The following CNDP1 variants were observed in gnomAD, a reference collection of about 807,000 sequenced individuals.
CNDP1 encodes the protein beta-Ala-His dipeptidase.
CNDP1 carries 44 observed loss-of-function variants against 58.1 expected under a neutral mutation model. The observed-to-expected ratio is 0.76, with a 90% confidence interval of 0.60 to 0.97. CNDP1 has a LOEUF of 0.97. CNDP1 is among the 50% of genes least tolerant of loss of function. The pLI is 0.00. For missense variants in CNDP1, 616 were observed against 655.1 expected (o/e 0.94, Z 0.65); for synonymous variants, 254 against 252.6 (o/e 1.01, Z -0.05).
At chr18:74,549,737 G>A (rs922688696) in intron 1 of CNDP1, among the ~76,000 whole-genome samples, 2 of 152,168 alleles carry the variant, frequency 1.3e-5, no homozygotes, top group African/African-American at 4.8e-5. Context: ...AGAGACCTTT[G>A]AGGAAGCCCC....
At chr18:74,550,039 GGTGGA>G (rs749187685) in intron 1 of CNDP1, among the ~76,000 whole-genome samples, 4 of 152,232 alleles carry the variant, frequency 2.6e-5, no homozygotes, top group Non-Finnish European at 4.4e-5. Context: ...GAGGTGGAGG[GGTGGA>G]GCCCTCACAG....
intron 5 of CNDP1, among the ~76,000 whole-genome samples, chr18:74,563,671 T>TCCTC (rs1026347249): frequency 6.6e-6 from 1 of 152,100 alleles, no homozygotes; most frequent in African/African-American, 2.4e-5. Context: ...GTTCCTTTCT[T>TCCTC]CCTCCCTCCC....
intron 2 of CNDP1, among the ~76,000 whole-genome samples, chr18:74,558,194 C>G (rs1349948476): frequency 6.6e-6 from 1 of 152,180 alleles, no homozygotes; most frequent in Non-Finnish European, 1.5e-5. Context: ...ATCAGTAAAT[C>G]TGTGTAGTTT....
chr18:74,561,227 C>A (rs1416960884), intron 4 of CNDP1, among the ~76,000 whole-genome samples: 1 of 151,996 alleles, frequency 6.6e-6, no homozygotes, highest in African/African-American at 2.4e-5. Context: ...CCAGCCTGGC[C>A]AACATGGCAA....
Position 74,559,439 on chromosome 18 carries a change from C to T in CNDP1, c.270C>T (p.Ala90=). 6.2e-7 allele frequency: 1 copy of T among 1,611,754 alleles called. No homozygotes were observed. The highest frequency in any genetic ancestry group is 8.5e-7 in the Non-Finnish European group (1 of 1,179,970). Reference sequence around the variant, plus strand: ...CGGACACGCTGCAGCGCCTGGGGGCCCGTGTGGCCTCGGTGGACATGGGTC... The same window carrying T: ...CGGACACGCTGCAGCGCCTGGGGGCTCGTGTGGCCTCGGTGGACATGGGTC... ...VAADTLQRLG[A]RVASVDMGPQ... The change falls in exon 3 of 12, where the codon GCC becomes GCT. Residue 90 remains alanine (A), a synonymous_variant. Coordinates refer to ENST00000358821, the MANE Select transcript of CNDP1 (RefSeq NM_032649.6).
chr18:74,566,574 A>C (rs768808336), intron 5 of CNDP1, among the ~76,000 whole-genome samples: 2 of 152,362 alleles, frequency 1.3e-5, no homozygotes, highest in Admixed American at 1.3e-4. Context: ...TCTCTTTGCT[A>C]AAACAAAACA....
chr18:74,581,767 G>A (rs1981796557), intron 10 of CNDP1, among the ~76,000 whole-genome samples: 1 of 152,172 alleles, frequency 6.6e-6, no homozygotes, highest in Non-Finnish European at 1.5e-5. Flanking sequence ...ACCAGGAGGG[G>A]GACCCTGCCA....
At chr18:74,573,866 G>C (rs1981561537) in intron 7 of CNDP1, among the ~76,000 whole-genome samples, 1 of 148,048 alleles carries the variant, frequency 6.8e-6, no homozygotes, top group Admixed American at 6.9e-5. Flanking sequence ...CAAAAACGTG[G>C]TTTGACTTTC....
At chr18:74,544,379 G>T (rs761166411) in intron 1 of CNDP1, among the ~76,000 whole-genome samples, 1 of 152,156 alleles carries the variant, frequency 6.6e-6, no homozygotes, top group Non-Finnish European at 1.5e-5. Context: ...TGTCATGAGA[G>T]CCAGACAGAT....
At chr18:74,572,846 CA>C (rs33911381) in intron 7 of CNDP1, among the ~76,000 whole-genome samples, 12 of 139,186 alleles carry the variant, frequency 8.6e-5, no homozygotes, top group East Asian at 4.2e-4. Flanking sequence ...ATAGAAAAAG[CA>C]AAAAAAAAAT....
chr18:74,565,669 G>A (rs1390920654), intron 5 of CNDP1, among the ~76,000 whole-genome samples: 2 of 152,202 alleles, frequency 1.3e-5, no homozygotes, highest in East Asian at 1.9e-4. Context: ...GTCTCGGGTG[G>A]CTCTGCCCCT....
chr18:74,560,512 C>T (rs2144656242), intron 3 of CNDP1, among the ~76,000 whole-genome samples: 1 of 152,182 alleles, frequency 6.6e-6, no homozygotes, highest in East Asian at 1.9e-4. Context: ...AGCTGGTCAG[C>T]CTGGGCAACA....
intron 1 of CNDP1, among the ~76,000 whole-genome samples, chr18:74,555,055 C>T (rs537089330): frequency 2.8e-4 from 42 of 152,236 alleles, no homozygotes; most frequent in African/African-American, 9.4e-4. Flanking sequence ...GCCTAGTTCC[C>T]CTTGTTCTCC....
At chr18:74,576,829 T>A (rs748953097) in intron 7 of CNDP1, 40 bp from the exon 8 acceptor site, 1 of 1,572,654 alleles carries the variant, frequency 6.4e-7, no homozygotes, top group Non-Finnish European at 8.6e-7. Flanking sequence ...ATTGGCACAC[T>A]CCTTTCTACC....
rs373527181 is a variant in CNDP1, at chr18:74,541,285, T to C, written c.24+6594T>C. 7.8e-4 allele frequency among the ~76,000 whole-genome samples: 119 copies of C among 152,302 alleles called. 1 individual carries two copies. The South Asian group carries it at 0.02, about 25-fold the overall frequency. On this transcript the variant is annotated intron_variant, in intron 1 of 11. Coordinates refer to ENST00000358821, the MANE Select transcript of CNDP1 (RefSeq NM_032649.6). ...ACAGGAGCTGCCAGGAAAGGCACAGTGATCGGATCCTCCCCTGAGCGTGCA... is the reference window on the plus strand; with the variant it reads ...ACAGGAGCTGCCAGGAAAGGCACAGCGATCGGATCCTCCCCTGAGCGTGCA...
chr18:74,552,230 T>C (rs1456308514), intron 1 of CNDP1, among the ~76,000 whole-genome samples: 1 of 152,254 alleles, frequency 6.6e-6, no homozygotes, highest in African/African-American at 2.4e-5. Context: ...CAATAATATA[T>C]TTGTATTGTC....
intron 9 of CNDP1, among the ~76,000 whole-genome samples, chr18:74,579,679 G>A (rs917184066): frequency 1.3e-5 from 2 of 152,188 alleles, no homozygotes; most frequent in African/African-American, 4.8e-5. Context: ...TTGCTCCCAC[G>A]TCTTGGAAAT....
rs116875350 is a variant in CNDP1 at position 74,560,361 on chromosome 18, T to G, written c.304-495T>G. On this transcript the variant is annotated intron_variant, in intron 3 of 11. Transcript: ENST00000358821. ...GACATTCAGCTAATGATGCTAATTGTCAGTGTGGATCTAAAGAAGCACTTT... is the reference window on the plus strand; with the variant it reads ...GACATTCAGCTAATGATGCTAATTGGCAGTGTGGATCTAAAGAAGCACTTT... Among the ~76,000 whole-genome samples, 291 of 152,330 alleles carry G rather than the reference T, an allele frequency of 1.9e-3. 2 individuals carry two copies. The highest frequency in any genetic ancestry group is 6.9e-3 in the East Asian group (36 of 5,184).
intron 7 of CNDP1, among the ~76,000 whole-genome samples, chr18:74,575,831 A>ATGTATGTGTGTGTGTGTGTGTGTG (rs1555711148): frequency 1.1e-5 from 1 of 94,236 alleles, no homozygotes; most frequent in Non-Finnish European, 2.2e-5. Context: ...GTGTGTATAC[A>ATGTATGTGTGTGTGTGTGTGTGTG]TGTGTGTGTG....
Sources: allele counts gnomAD v4.1 joint callset (sites outside exome capture counted in the v4.1 genomes callset), GRCh38; gene constraint gnomAD v4.1.1; transcripts MANE v1.5; gene names NCBI Gene and HGNC (gene_info 2026-07-23, HGNC 2026-07-21).